Variants in TAOK3 observed in about 807,000 individuals in gnomAD.
TAOK3 encodes the protein TAO kinase 3.
TAOK3 carries 40 observed loss-of-function variants against 120.4 expected under a neutral mutation model. That is an observed-to-expected ratio of 0.33 (90% confidence interval 0.26 to 0.43). The LOEUF (loss-of-function observed/expected upper bound fraction) is 0.43. Among genes scored for constraint, TAOK3 ranks in the 20% least tolerant of loss-of-function variants. The probability of loss-of-function intolerance (pLI) is 1.00; values close to 1 mark genes in which losing one functional copy is unlikely to be tolerated. For missense variants in TAOK3, 821 were observed against 1,112.1 expected (o/e 0.74, Z 3.72); for synonymous variants, 355 against 387.5 (o/e 0.92, Z 0.99).
intron 1 of TAOK3, among the ~76,000 whole-genome samples, chr12:118,308,953 A>AAAAAAAAAAAAAAG (rs1555248964): frequency 1.4e-5 from 2 of 148,112 alleles, no homozygotes; most frequent in Non-Finnish European, 3.0e-5. Context: ...AAAAAAAAAA[A>AAAAAAAAAAAAAAG]AAAAAAGCCT....
chr12:118,362,955 G>A (rs1409247388), intron 1 of TAOK3, among the ~76,000 whole-genome samples: 1 of 142,624 alleles, frequency 7.0e-6, no homozygotes, highest in African/African-American at 2.6e-5. Context: ...GGAGGCGGAG[G>A]TGGCAGTGAG....
intron 1 of TAOK3, among the ~76,000 whole-genome samples, chr12:118,334,264 A>C (rs1299134528): frequency 3.9e-5 from 6 of 152,168 alleles, no homozygotes; most frequent in African/African-American, 1.4e-4. Context: ...TGTGGTATAT[A>C]TATGTAGTAT....
chr12:118,198,768 A>G (rs1593130574), intron 13 of TAOK3: 1 of 421,514 alleles, frequency 2.4e-6, no homozygotes, highest in Non-Finnish European at 4.4e-6. Flanking sequence ...GGTCTACAGT[A>G]TTAAGATTAT....
chr12:118,169,611 T>G (rs1389242714), intron 17 of TAOK3, among the ~76,000 whole-genome samples: 1 of 152,082 alleles, frequency 6.6e-6, no homozygotes, highest in South Asian at 2.1e-4. Flanking sequence ...ATGCCCGGCC[T>G]GAGTCAGCTT....
Position 118,316,772 on chromosome 12 carries a change from AGC to A in TAOK3, c.-193-50015_-193-50014del, listed in dbSNP as rs1431163861. Among the ~76,000 whole-genome samples, 451 of 152,256 alleles carry A rather than the reference AGC, an allele frequency of 3.0e-3. 3 individuals carry two copies. The highest frequency in any genetic ancestry group is 0.011 in the African/African-American group (442 of 41,546). On this transcript the variant is annotated intron_variant, in intron 1 of 20. Coordinates refer to ENST00000392533, the MANE Select transcript of TAOK3 (RefSeq NM_016281.4). ...ATAACTCACATCTACAAACTACTAGAGCTATTAAATAAATTTAGCAAAGTTCC... is the reference window on the plus strand; with the variant it reads ...ATAACTCACATCTACAAACTACTAGATATTAAATAAATTTAGCAAAGTTCC...
chr12:118,358,768 G>A (rs927712301), intron 1 of TAOK3, among the ~76,000 whole-genome samples: 1 of 152,076 alleles, frequency 6.6e-6, no homozygotes, highest in Non-Finnish European at 1.5e-5. Context: ...TGACTTTTGA[G>A]GTTGATTACT....
At chr12:118,201,576 A>G (rs2038027379) in intron 11 of TAOK3, 113 bp from the exon 12 acceptor site, 2 of 853,132 alleles carry the variant, frequency 2.3e-6, no homozygotes, top group African/African-American at 3.5e-5. Context: ...GATATTACAG[A>G]AATAACAAAA....
intron 1 of TAOK3, among the ~76,000 whole-genome samples, chr12:118,282,264 A>G (rs1364748668): frequency 1.3e-5 from 2 of 152,248 alleles, no homozygotes; most frequent in Non-Finnish European, 2.9e-5. Context: ...TAAATGAGAT[A>G]ATATACTCCA....
intron 9 of TAOK3, among the ~76,000 whole-genome samples, chr12:118,221,338 C>T (rs1011998497): frequency 2.0e-5 from 3 of 152,182 alleles, no homozygotes; most frequent in Admixed American, 6.5e-5. Context: ...ATTCTCCTGC[C>T]TCAGCCTCCT....
chr12:118,333,380 A>G (rs1395335372), intron 1 of TAOK3, among the ~76,000 whole-genome samples: 1 of 152,244 alleles, frequency 6.6e-6, no homozygotes, highest in South Asian at 2.1e-4. Flanking sequence ...TTTCTAAACA[A>G]TGCATGAGTT....
chr12:118,350,613 C>G (rs760663726), intron 1 of TAOK3, among the ~76,000 whole-genome samples: 12 of 152,008 alleles, frequency 7.9e-5, no homozygotes, highest in Non-Finnish European at 1.3e-4. Flanking sequence ...AATCCCAGCA[C>G]TTTGGGAGGC....
chr12:118,150,622 C>A lies in TAOK3; in HGVS notation c.*375G>T, dbSNP rs2034324739. Reference sequence around the variant, plus strand: ...ATTATTATTTTTTGCTTTACTTTCACAGATTGGTGGTAATGAGTGATTGCT... The same window carrying A: ...ATTATTATTTTTTGCTTTACTTTCAAAGATTGGTGGTAATGAGTGATTGCT... On this transcript the variant is annotated 3_prime_UTR_variant, in exon 21 of 21. Transcript: ENST00000392533. 1 of 160,380 alleles carries A rather than the reference C, an allele frequency of 6.2e-6. No individual in the cohort carries two copies. Among genetic ancestry groups the A allele is most frequent in the African/African-American group, 2.4e-5 (1 of 41,786 alleles). 9.9% of individuals were successfully genotyped at this position (160,380 alleles called of 1,614,324 possible).
chr12:118,311,631 T>A (rs74239261), intron 1 of TAOK3, among the ~76,000 whole-genome samples: 141 of 125,600 alleles, frequency 1.1e-3, no homozygotes, highest in East Asian at 5.6e-3. Context: ...TTTTTTTTTT[T>A]AAAAACAGCA....
rs548661544 is a variant in TAOK3, at chr12:118,267,474, C to T, written c.-193-715G>A. Reference sequence around the variant, plus strand: ...AAGTGATCCACCCACCTTGGCCTCCCAAAGTGCTGGGATTACAGGCGTGAG... The same window carrying T: ...AAGTGATCCACCCACCTTGGCCTCCTAAAGTGCTGGGATTACAGGCGTGAG... On this transcript the variant is annotated intron_variant, in intron 1 of 20. Transcript: ENST00000392533. 2.6e-5 allele frequency among the ~76,000 whole-genome samples: 4 copies of T among 151,592 alleles called. No homozygotes were observed. The East Asian group carries it at 5.9e-4, about 22-fold the overall frequency.
At chr12:118,230,560 C>T (rs2039728237) in intron 9 of TAOK3, among the ~76,000 whole-genome samples, 1 of 149,802 alleles carries the variant, frequency 6.7e-6, no homozygotes, top group Non-Finnish European at 1.5e-5. Context: ...GCTCTGCCTC[C>T]CAGGTTCACA....
At chr12:118,234,705 G>A (rs1413086368) in intron 8 of TAOK3, among the ~76,000 whole-genome samples, 1 of 152,082 alleles carries the variant, frequency 6.6e-6, no homozygotes, top group African/African-American at 2.4e-5. Context: ...ACCACACCTG[G>A]CCATATTCTT....
At chr12:118,260,784 A>C (rs1593330311) in intron 2 of TAOK3, among the ~76,000 whole-genome samples, 1 of 152,196 alleles carries the variant, frequency 6.6e-6, no homozygotes, top group South Asian at 2.1e-4. Flanking sequence ...AGGTTCAAGC[A>C]CTTCTCCTGC....
chr12:118,233,607 C>G (rs1263315309), intron 9 of TAOK3, 67 bp downstream of exon 9: 1 of 1,200,156 alleles, frequency 8.3e-7, no homozygotes, highest in Non-Finnish European at 1.2e-6. Flanking sequence ...CTTAAAAATA[C>G]AATGAAAATT....
At chr12:118,157,101 C>T (rs1418029724) in intron 19 of TAOK3, among the ~76,000 whole-genome samples, 2 of 152,122 alleles carry the variant, frequency 1.3e-5, no homozygotes, top group African/African-American at 2.4e-5. Flanking sequence ...GGACTCTCCA[C>T]ATCCAACCTG....
Sources: gnomAD v4.1 joint callset for allele counts (sites outside exome capture counted in the v4.1 genomes callset) on GRCh38, gnomAD v4.1.1 for gene constraint, MANE v1.5 for transcripts, NCBI Gene and HGNC (gene_info 2026-07-23, HGNC 2026-07-21) for gene names.